The following GREB1L variants were observed in gnomAD, a reference collection of about 807,000 sequenced individuals.
GREB1L encodes GREB1-like protein.
In GREB1L, 17 loss-of-function variants were observed where a neutral mutation model predicts 200.8. The ratio of observed to expected loss-of-function variants is 0.08; its 90% CI spans 0.06 to 0.13. The LOEUF (loss-of-function observed/expected upper bound fraction) is 0.13. Among genes scored for constraint, GREB1L ranks in the 10% least tolerant of loss-of-function variants. The pLI is 1.00. For missense variants in GREB1L, 1,657 were observed against 2,367.7 expected (o/e 0.70, Z 6.23); for synonymous variants, 789 against 893.0 (o/e 0.88, Z 2.08).
intron 1 of GREB1L, among the ~76,000 whole-genome samples, chr18:21,267,576 T>C (rs2037992310): frequency 6.6e-6 from 1 of 152,180 alleles, no homozygotes; most frequent in South Asian, 2.1e-4. Context: ...TTCATTGTTT[T>C]TGCTTTTGGA....
intron 1 of GREB1L, among the ~76,000 whole-genome samples, chr18:21,291,817 C>T (rs975729540): frequency 2.0e-4 from 31 of 152,156 alleles, no homozygotes; most frequent in African/African-American, 7.5e-4. Flanking sequence ...CGCCCCTGGC[C>T]GTACGTGCAG....
chr18:21,468,978 G>A, intron 15 of GREB1L: 2 of 312,982 alleles, frequency 6.4e-6, no homozygotes, highest in Non-Finnish European at 1.3e-5. Flanking sequence ...TTTATTATTG[G>A]TGATGTTAAC....
In GREB1L at chr18:21,395,434, A is replaced by C; in HGVS notation, c.405A>C (p.Glu135Asp). 6.4e-7 allele frequency: 1 copy of C among 1,551,360 alleles called. No individual in the cohort carries two copies. Among genetic ancestry groups the C allele is most frequent in the Non-Finnish European group, 8.7e-7 (1 of 1,146,840 alleles). Reference sequence around the variant, plus strand: ...TGCGTTTGGTATCACTGTGTATGGAACAAATTGACATCCCAGCAGGATTCC... The same window carrying C: ...TGCGTTTGGTATCACTGTGTATGGACCAAATTGACATCCCAGCAGGATTCC... ...KDLRLVSLCM[E>D]QIDIPAGFLL... is the part of the protein sequence containing the mutation. The change falls in exon 5 of 33, where the codon GAA becomes GAC. Residue 135 changes from glutamate (E) to aspartate (D), a missense_variant. Around this residue, in one of 9 missense-constraint regions of GREB1L, gnomAD observed 70 missense variants for 151.3 expected, o/e 0.46. Transcript: ENST00000424526.
At chr18:21,429,106 TCTCCCTTC>T (rs1310774224) in intron 7 of GREB1L, among the ~76,000 whole-genome samples, 2,858 of 141,492 alleles carry the variant, frequency 0.02, 136 homozygotes, top group African/African-American at 0.077. Context: ...CATAAACTAT[TCTCCCTTC>T]CTTCCTTCCT....
intron 1 of GREB1L, among the ~76,000 whole-genome samples, chr18:21,242,920 C>T (rs569108589): frequency 1.3e-5 from 2 of 152,110 alleles, no homozygotes; most frequent in African/African-American, 4.8e-5. Context: ...GGATGGAGTT[C>T]AGCCTGGGAA....
At chr18:21,462,940 A>G (rs2145580100) in intron 15 of GREB1L, among the ~76,000 whole-genome samples, 1 of 152,334 alleles carries the variant, frequency 6.6e-6, no homozygotes, top group South Asian at 2.1e-4. Context: ...CACAGCAAAA[A>G]GAATTAATTC....
chr18:21,413,492 CT>C (rs1391817872), intron 7 of GREB1L, among the ~76,000 whole-genome samples: 1 of 152,018 alleles, frequency 6.6e-6, no homozygotes, highest in Non-Finnish European at 1.5e-5. Context: ...AAAACAGTCT[CT>C]TTTTTTTCCA....
intron 1 of GREB1L, chr18:21,317,585 A>G (rs1202138983): frequency 6.6e-6 from 1 of 152,254 alleles, no homozygotes. Flanking sequence ...CCTGGGCAAC[A>G]GAGTGAGACC....
chr18:21,361,379 G>A (rs2039577811), intron 1 of GREB1L, among the ~76,000 whole-genome samples: 1 of 152,156 alleles, frequency 6.6e-6, no homozygotes, highest in Non-Finnish European at 1.5e-5. Flanking sequence ...TGAGTACAGA[G>A]TGTTCCTGCA....
chr18:21,512,236 T>A (rs1446343265), intron 27 of GREB1L, among the ~76,000 whole-genome samples: 1 of 152,212 alleles, frequency 6.6e-6, no homozygotes, highest in Non-Finnish European at 1.5e-5. Flanking sequence ...GTCTTTGGGA[T>A]TTTGATAGGG....
At chr18:21,370,029 G>A (rs570029885) in intron 2 of GREB1L, among the ~76,000 whole-genome samples, 1 of 151,794 alleles carries the variant, frequency 6.6e-6, no homozygotes, top group South Asian at 2.1e-4. Flanking sequence ...TATTAAAGGA[G>A]TTTAAAATTT....
chr18:21,495,970 G>A (rs2036528682), intron 20 of GREB1L, among the ~76,000 whole-genome samples, 185 bp downstream of exon 20: 1 of 152,072 alleles, frequency 6.6e-6, no homozygotes, highest in Non-Finnish European at 1.5e-5. Flanking sequence ...GCTTTCCAGA[G>A]AACACCCAGC....
At chr18:21,466,802 A>G (rs1282149240) in intron 15 of GREB1L, among the ~76,000 whole-genome samples, 1 of 152,170 alleles carries the variant, frequency 6.6e-6, no homozygotes, top group African/African-American at 2.4e-5. Context: ...CCAAAACATT[A>G]TTGAAAAAGA....
intron 2 of GREB1L, among the ~76,000 whole-genome samples, chr18:21,380,947 T>C (rs1166278118): frequency 6.6e-6 from 1 of 150,966 alleles, no homozygotes; most frequent in East Asian, 2.0e-4. Flanking sequence ...AAAAATACAA[T>C]AATTAGCCAG....
chr18:21,293,431 T>TA (rs1334169357), intron 1 of GREB1L, among the ~76,000 whole-genome samples: 2 of 152,340 alleles, frequency 1.3e-5, no homozygotes, highest in South Asian at 2.1e-4. Flanking sequence ...TTACCTGATT[T>TA]AAAAAAATTA....
chr18:21,507,513 A>G (rs979788017), intron 25 of GREB1L, among the ~76,000 whole-genome samples: 3 of 152,204 alleles, frequency 2.0e-5, no homozygotes, highest in Non-Finnish European at 2.9e-5. Flanking sequence ...ATTCACTGAG[A>G]TAGGTTACTG....
chr18:21,485,287 A>T (rs1299348537), intron 17 of GREB1L: 1 of 199,186 alleles, frequency 5.0e-6, no homozygotes, highest in Admixed American at 5.7e-5. Flanking sequence ...CTGTATAGAG[A>T]ACTACTTCCA....
rs575494010 is a variant in GREB1L at position 21,444,386 on chromosome 18, C to T, written c.1370C>T (p.Thr457Met). 7.6e-5 allele frequency: 118 copies of T among 1,552,210 alleles called. No homozygotes were observed. The South Asian group carries it at 7.6e-4, about 10-fold the overall frequency. Residue 457 changes from threonine to methionine, a missense_variant, in exon 11 of 33, where the codon ACG becomes ATG. Thr to Met is a moderately conservative substitution (Grantham distance 81, BLOSUM62 -1). Around this residue, in one of 9 missense-constraint regions of GREB1L, gnomAD observed 289 missense variants for 345.1 expected, o/e 0.84. Coordinates refer to ENST00000424526, the MANE Select transcript of GREB1L (RefSeq NM_001142966.3). ...AGCGTGGAAAACATGATTCTTCTGA[C>T]GATACAGTATCTTGTGCGGCTGGGT... ...FLSVENMILL[T>M]IQYLVRLGPD...
At chr18:21,378,834 G>A (rs1211560866) in intron 2 of GREB1L, among the ~76,000 whole-genome samples, 1 of 151,964 alleles carries the variant, frequency 6.6e-6, no homozygotes, top group African/African-American at 2.4e-5. Context: ...CTTCTGTAAT[G>A]GTGAAACTCC....
Sources: gnomAD v4.1 joint callset for allele counts (sites outside exome capture counted in the v4.1 genomes callset) on GRCh38, gnomAD v4.1.1 for gene constraint, gnomAD v4.1.1 regional missense constraint, MANE v1.5 for transcripts, NCBI Gene and HGNC (gene_info 2026-07-23, HGNC 2026-07-21) for gene names.